The following KCNC4 variants were observed in gnomAD, a reference collection of about 807,000 sequenced individuals.
The protein encoded by KCNC4 is voltage-gated potassium channel KCNC4.
In KCNC4, 23 loss-of-function variants were observed where a neutral mutation model predicts 42.8. That is an observed-to-expected ratio of 0.54 (90% CI 0.39 to 0.76). The LOEUF (loss-of-function observed/expected upper bound fraction) is 0.76, where lower values mean the gene tolerates loss of function less well. Ranked by LOEUF, KCNC4 falls within the 30% of genes least tolerant of loss-of-function variation. KCNC4 has a pLI of 0.00. For missense variants in KCNC4, 751 were observed against 898.2 expected, an observed-to-expected ratio of 0.84 and a Z score of 2.10; for synonymous variants, 422 against 393.5, an observed-to-expected ratio of 1.07 and a Z score of -0.86.
chr1:110,263,828 G>T (rs1454276791), intron 1 of KCNC4, among the ~76,000 whole-genome samples: 4 of 151,882 alleles, frequency 2.6e-5, no homozygotes, highest in Non-Finnish European at 5.9e-5. Context: ...CAGTGAGGGG[G>T]GGGAGCTGAA....
chr1:110,272,557 A>G (rs1007808545), intron 1 of KCNC4: 2 of 152,236 alleles, frequency 1.3e-5, no homozygotes, highest in African/African-American at 4.8e-5. Flanking sequence ...GAAATTTTCC[A>G]TAGGATGCTG....
chr1:110,241,517 T>A (rs1659034818), exon 4 of KCNC4: 1 of 152,130 alleles, frequency 6.6e-6, no homozygotes, highest in Non-Finnish European at 1.5e-5. Flanking sequence ...ATCCAAAACT[T>A]CCTGTGTGGG....
exon 4 of KCNC4, chr1:110,241,405 T>C (rs1360332316): frequency 6.6e-6 from 1 of 152,166 alleles, no homozygotes; most frequent in Non-Finnish European, 1.5e-5. Flanking sequence ...GTTGACCTTC[T>C]CTCAACTTGT....
chr1:110,276,594 C>T (rs1260000097), intron 1 of KCNC4, among the ~76,000 whole-genome samples: 1 of 152,126 alleles, frequency 6.6e-6, no homozygotes, highest in Non-Finnish European at 1.5e-5. Flanking sequence ...CTCCTGTGCC[C>T]CACATTCTGC....
downstream of KCNC4, chr1:110,235,846 G>C: frequency 6.6e-6 from 1 of 152,226 alleles, no homozygotes; most frequent in East Asian, 1.9e-4. Flanking sequence ...TTTGAGTCCT[G>C]ACTCCATCAC....
downstream of KCNC4, among the ~76,000 whole-genome samples, chr1:110,253,890 A>T (rs552003361): frequency 6.6e-6 from 1 of 152,050 alleles, no homozygotes; most frequent in East Asian, 1.9e-4. Context: ...GGCCTTTCCC[A>T]TTTCTCCTCA....
At chr1:110,272,784 A>G (rs945114345) in intron 1 of KCNC4, among the ~76,000 whole-genome samples, 1 of 152,126 alleles carries the variant, frequency 6.6e-6, no homozygotes, top group Non-Finnish European at 1.5e-5. Context: ...CCCAGATGCA[A>G]TTTTCAAAAT....
In KCNC4 at chr1:110,233,417, A is replaced by G. The variant is rs1658811246; in HGVS notation, c.*445A>G. On this transcript the variant is annotated 3_prime_UTR_variant, in exon 4 of 4. Coordinates refer to ENST00000438661, the MANE Select transcript of KCNC4 (RefSeq NM_001039574.3). The stretch of plus-strand genomic sequence containing the variant: ...GTAGTCCCAGGCTCCTGTCTTGGGG[A>G]TGTTTCCCCTGTCAGCAAGTAACCT... 1 of 207,966 alleles carries G rather than the reference A, an allele frequency of 4.8e-6. No individual in the cohort carries two copies. Among genetic ancestry groups the G allele is most frequent in the African/African-American group, 2.3e-5 (1 of 42,820 alleles). 12.9% of individuals were successfully genotyped at this position (207,966 alleles called of 1,614,324 possible).
rs1190326099 is a variant in KCNC4 at position 110,226,076 on chromosome 1, G to A, written c.1717G>A (p.Ala573Thr). Residue 573 changes from alanine to threonine, a missense_variant, in exon 3 of 4, where the codon GCC becomes ACC. By Grantham distance (58) the Ala-to-Thr change is moderately conservative. Around this residue, in one of 4 missense-constraint regions of KCNC4, gnomAD observed 202 missense variants for 181.5 expected, o/e 1.11. Transcript: ENST00000438661. ...CTCCCCGACCCCCGAGGAGCGCCGG[G>A]CCCTGCGACGCTCCACCACTCGAGA... Reference protein sequence around the residue: ...ASSPTPEERRALRRSTTRDRN... With the variant: ...ASSPTPEERRTLRRSTTRDRN... 6.2e-7 allele frequency: 1 copy of A among 1,613,928 alleles called. No individual in the cohort carries two copies. The highest frequency in any genetic ancestry group is 1.3e-5 in the African/African-American group (1 of 74,920).
intron 1 of KCNC4, among the ~76,000 whole-genome samples, chr1:110,277,711 A>G (rs3849179): frequency 0.29 from 44,174 of 152,200 alleles, 6,856 homozygotes; most frequent in Admixed American, 0.43. Context: ...GAGGGGACAG[A>G]AGCAGAGCCC....
intron 2 of KCNC4, chr1:110,225,519 C>T (rs373789369): frequency 6.4e-6 from 1 of 155,632 alleles, no homozygotes; most frequent in African/African-American, 2.4e-5. Context: ...AGGGAGAAAG[C>T]ATGGACGCCA....
chr1:110,270,374 C>T (rs1252477928), intron 1 of KCNC4, among the ~76,000 whole-genome samples: 1 of 152,052 alleles, frequency 6.6e-6, no homozygotes, highest in Non-Finnish European at 1.5e-5. Context: ...TTAAGGACTG[C>T]GTGATTAAGA....
chr1:110,264,775 AG>A (rs1384891495), intron 1 of KCNC4, among the ~76,000 whole-genome samples: 5 of 152,096 alleles, frequency 3.3e-5, no homozygotes, highest in African/African-American at 1.2e-4. Context: ...CTGGAGAAGG[AG>A]GGGGAGAAAG....
At chr1:110,218,154 C>T (rs1321293673) in intron 1 of KCNC4, among the ~76,000 whole-genome samples, 1 of 152,180 alleles carries the variant, frequency 6.6e-6, no homozygotes. Context: ...GTATGCAGTT[C>T]CCAATGATTG....
intron 1 of KCNC4, among the ~76,000 whole-genome samples, chr1:110,276,045 A>G (rs1659719897): frequency 6.6e-6 from 1 of 151,994 alleles, no homozygotes; most frequent in Non-Finnish European, 1.5e-5. Context: ...AAAAAAACTC[A>G]GAAACAAATT....
chr1:110,266,196 C>A (rs1659537770), intron 1 of KCNC4, among the ~76,000 whole-genome samples: 1 of 152,214 alleles, frequency 6.6e-6, no homozygotes. Context: ...ATCAGGGACA[C>A]AAGTACTGGC....
At chr1:110,225,919 A>G in intron 2 of KCNC4, 56 bp from the exon 3 acceptor site, 1 of 1,493,896 alleles carries the variant, frequency 6.7e-7, no homozygotes, top group Non-Finnish European at 9.1e-7. Flanking sequence ...CAGATGACCC[A>G]TGAGCAAGGC....
chr1:110,271,839 A>T (rs1280739868), intron 1 of KCNC4, among the ~76,000 whole-genome samples: 1 of 152,152 alleles, frequency 6.6e-6, no homozygotes, highest in Non-Finnish European at 1.5e-5. Flanking sequence ...TGCCAACTGT[A>T]CAGTGACTCT....
rs1261102442 is a variant in KCNC4 at position 110,226,074 on chromosome 1, G to A, written c.1715G>A (p.Arg572Gln). The A allele has an allele frequency of 5.0e-6, 8 of 1,614,024 alleles. No individual in the cohort carries two copies. Among genetic ancestry groups the A allele is most frequent in the South Asian group, 2.2e-5 (2 of 91,068 alleles). Residue 572 changes from arginine to glutamine, a missense_variant, in exon 3 of 4, where the codon CGG (arginine) becomes CAG (glutamine). Transcript: ENST00000438661. ...LASSPTPEERRALRRSTTRDR... is the reference protein window; with the variant it reads ...LASSPTPEERQALRRSTTRDR... ...TCCTCCCCGACCCCCGAGGAGCGCC[G>A]GGCCCTGCGACGCTCCACCACTCGA...
Sources: gnomAD v4.1 joint callset for allele counts (sites outside exome capture counted in the v4.1 genomes callset) on GRCh38, gnomAD v4.1.1 for gene constraint, gnomAD v4.1.1 regional missense constraint, MANE v1.5 for transcripts, NCBI Gene and HGNC (gene_info 2026-07-23, HGNC 2026-07-21) for gene names.